The following GTF2I variants were observed in gnomAD, a reference collection of about 807,000 sequenced individuals.
GTF2I encodes general transcription factor IIi, also known as general transcription factor II-I.
A neutral mutation model predicts 67.6 loss-of-function variants in GTF2I; 12 were observed. That is an observed-to-expected ratio of 0.18 (90% CI 0.11 to 0.29). The LOEUF (loss-of-function observed/expected upper bound fraction) is 0.29, where lower values mean the gene tolerates loss of function less well. GTF2I is among the 10% of genes least tolerant of loss of function. The pLI, the probability that GTF2I is intolerant of heterozygous loss-of-function variation, is 1.00. For missense variants in GTF2I, 271 were observed against 580.1 expected (o/e 0.47, Z 5.47); for synonymous variants, 149 against 197.0 (o/e 0.76, Z 2.04).
chr7:74,702,893 C>T (rs1790015462), intron 6 of GTF2I, among the ~76,000 whole-genome samples: 1 of 152,020 alleles, frequency 6.6e-6, no homozygotes, highest in Non-Finnish European at 1.5e-5. Context: ...CCACCATACC[C>T]AGCTCATTTC....
intron 7 of GTF2I, among the ~76,000 whole-genome samples, chr7:74,706,069 GC>G (rs1790636519): frequency 6.6e-6 from 1 of 151,642 alleles, no homozygotes; most frequent in Non-Finnish European, 1.5e-5. Context: ...TCAGGTGAGC[GC>G]CACCACGCCT....
chr7:74,713,910 A>G (rs1359259110), intron 9 of GTF2I, among the ~76,000 whole-genome samples: 1 of 152,144 alleles, frequency 6.6e-6, no homozygotes, highest in African/African-American at 2.4e-5. Flanking sequence ...TGAGATTCCA[A>G]ATAGAAACTA....
intron 3 of GTF2I, among the ~76,000 whole-genome samples, chr7:74,698,692 G>C (rs187253168): frequency 6.6e-6 from 1 of 152,078 alleles, no homozygotes; most frequent in Non-Finnish European, 1.5e-5. Context: ...AATTACAGGC[G>C]TGAGCCCTTG....
chr7:74,706,755 C>T (rs1444345165), intron 8 of GTF2I, among the ~76,000 whole-genome samples: 3 of 152,060 alleles, frequency 2.0e-5, no homozygotes, highest in African/African-American at 7.2e-5. Flanking sequence ...AATAGAATGC[C>T]CCCTTCGTCT....
At position 74,690,964 on chromosome 7, in the gene GTF2I, G is replaced by A; in HGVS notation, c.100-9G>A. 1 of 1,609,054 alleles carries A rather than the reference G, an allele frequency of 6.2e-7. No individual in the cohort carries two copies. Among genetic ancestry groups the A allele is most frequent in the Non-Finnish European group, 8.5e-7 (1 of 1,178,664 alleles). On this transcript the variant is annotated splice_polypyrimidine_tract_variant and intron_variant, in intron 2 of 34. Transcript: ENST00000573035. ...GCCTGTAACATGATGTTTGCTGTTTGTATTGTAGTGTAAAGAACTGGCCAA... is the reference window on the plus strand; with the variant it reads ...GCCTGTAACATGATGTTTGCTGTTTATATTGTAGTGTAAAGAACTGGCCAA...
chr7:74,683,623 C>T (rs766577025), intron 1 of GTF2I, among the ~76,000 whole-genome samples: 4 of 152,138 alleles, frequency 2.6e-5, no homozygotes, highest in South Asian at 2.1e-4. Flanking sequence ...GAGGCTGAAG[C>T]GGGCAGATCA....
intron 1 of GTF2I, among the ~76,000 whole-genome samples, chr7:74,661,691 A>AAATAAG (rs1804513162): frequency 6.6e-6 from 1 of 151,778 alleles, no homozygotes; most frequent in South Asian, 2.1e-4. Context: ...AAAAAAATAA[A>AAATAAG]AATAAAATAG....
At chr7:74,724,564 C>T (rs970208844) in intron 12 of GTF2I, among the ~76,000 whole-genome samples, 7 of 152,072 alleles carry the variant, frequency 4.6e-5, no homozygotes, top group Admixed American at 2.0e-4. Context: ...AAGGTATTGG[C>T]GGAGTGCTTT....
In GTF2I at chr7:74,659,440, A is replaced by G. The variant is rs1804274305; in HGVS notation, c.-6+1372A>G. ...AGTCTCACTCTGTGGCCCAGGCTGA[A>G]GTGCACTGGTGTGATCTCGGCTCAC... On this transcript the variant is annotated intron_variant, in intron 1 of 34. Transcript: ENST00000573035. Among the ~76,000 whole-genome samples the G allele has an allele frequency of 2.0e-5, 3 of 151,842 alleles. No homozygotes were observed. The South Asian group carries it at 6.2e-4, about 32-fold the overall frequency.
chr7:74,659,870 C>T (rs1804314233), intron 1 of GTF2I, among the ~76,000 whole-genome samples: 1 of 152,156 alleles, frequency 6.6e-6, no homozygotes, highest in South Asian at 2.1e-4. Context: ...AACTTTGCCG[C>T]AGACAATGGC....
intron 1 of GTF2I, among the ~76,000 whole-genome samples, chr7:74,669,521 G>C (rs1352831044): frequency 6.7e-6 from 1 of 149,558 alleles, no homozygotes; most frequent in Admixed American, 6.7e-5. Flanking sequence ...GTGAACCATC[G>C]CTCCCAGCTG....
chr7:74,659,917 C>A (rs1481842158), intron 1 of GTF2I, among the ~76,000 whole-genome samples: 1 of 152,140 alleles, frequency 6.6e-6, no homozygotes, highest in East Asian at 1.9e-4. Context: ...AGTCTCCAGT[C>A]CTTCAGGGAA....
intron 7 of GTF2I, among the ~76,000 whole-genome samples, chr7:74,706,004 G>T (rs1790623256): frequency 6.6e-6 from 1 of 151,948 alleles, no homozygotes; most frequent in African/African-American, 2.4e-5. Flanking sequence ...TCAGGCTGGA[G>T]TTCAGTGGCA....
At chr7:74,732,780 A>T (rs1280362933) in intron 15 of GTF2I, 118 bp downstream of exon 15, 5 of 1,334,872 alleles carry the variant, frequency 3.7e-6, no homozygotes, top group Non-Finnish European at 5.0e-6. Flanking sequence ...GAGTTATTTT[A>T]TGTATTTTTA....
At chr7:74,670,710 CAAAAAAAAAAA>C (rs75928280) in intron 1 of GTF2I, among the ~76,000 whole-genome samples, 1 of 126,398 alleles carries the variant, frequency 7.9e-6, no homozygotes, top group African/African-American at 2.9e-5. Context: ...AAAAAAAAAA[CAAAAAAAAAAA>C]ACACCTCAAG....
chr7:74,705,050 G>C (rs1790435619), intron 6 of GTF2I, 114 bp from the exon 7 acceptor site: 1 of 706,974 alleles, frequency 1.4e-6, no homozygotes, highest in African/African-American at 1.8e-5. Context: ...ATTCTGGTGT[G>C]ATCCAGAGCT....
chr7:74,712,487 A>AGT (rs142200093), intron 9 of GTF2I, among the ~76,000 whole-genome samples: 2,875 of 131,776 alleles, frequency 0.022, 51 homozygotes, highest in Non-Finnish European at 0.032. Flanking sequence ...TTCTCCCGGG[A>AGT]GTGTGTGTGT....
At chr7:74,678,606 C>T (rs1479593633) in intron 1 of GTF2I, among the ~76,000 whole-genome samples, 1 of 152,022 alleles carries the variant, frequency 6.6e-6, no homozygotes, top group Non-Finnish European at 1.5e-5. Context: ...GAGACTGAGT[C>T]TTCAGTCTTT....
chr7:74,696,117 G>A (rs782203910), intron 3 of GTF2I, among the ~76,000 whole-genome samples: 5 of 144,248 alleles, frequency 3.5e-5, no homozygotes, highest in Admixed American at 7.0e-5. Context: ...TCAGCCTCCC[G>A]AGTAGCTGGG....
Sources: gnomAD v4.1 joint callset for allele counts (sites outside exome capture counted in the v4.1 genomes callset) on GRCh38, gnomAD v4.1.1 for gene constraint, MANE v1.5 for transcripts, NCBI Gene and HGNC (gene_info 2026-07-23, HGNC 2026-07-21) for gene names.